Variants in SYNE1 observed in about 807,000 individuals in gnomAD.
SYNE1 encodes nesprin-1.
In SYNE1, 616 loss-of-function variants were observed where a neutral mutation model predicts 1,111.0. That is an observed-to-expected ratio of 0.55 (90% CI 0.52 to 0.59). The LOEUF (loss-of-function observed/expected upper bound fraction) is 0.59, where lower values mean the gene tolerates loss of function less well. Ranked by LOEUF, SYNE1 falls within the 20% of genes least tolerant of loss-of-function variation. SYNE1 has a pLI of 0.00. For synonymous variants in SYNE1, 3,855 were observed against 3,825.8 expected (o/e 1.01, Z -0.28); for missense variants, 10,006 against 10,417.0 (o/e 0.96, Z 1.72).
intron 56 of SYNE1, among the ~76,000 whole-genome samples, chr6:152,380,078 A>G (rs2097374907): frequency 6.6e-6 from 1 of 152,122 alleles, no homozygotes. Context: ...ACAAAAACAA[A>G]CCCCCAAACC....
At chr6:152,278,444 C>CT (rs993107663) in intron 97 of SYNE1, among the ~76,000 whole-genome samples, 164 bp from the exon 98 acceptor site, 14 of 150,954 alleles carry the variant, frequency 9.3e-5, no homozygotes, top group South Asian at 6.3e-4. Flanking sequence ...AGTCTGTAGG[C>CT]TTTTTTTTTA....
Position 152,450,754 on chromosome 6 carries a change from G to A in SYNE1, c.3266C>T (p.Pro1089Leu). Residue 1089 changes from proline to leucine, a missense_variant, in exon 27 of 146, where the codon CCA becomes CTA. Around this residue, in one of 7 missense-constraint regions of SYNE1, gnomAD observed 1,971 missense variants for 2,084.1 expected, o/e 0.95. Transcript: ENST00000367255. ...QLIEELCVKL[P>L]VRDPVRDTPG... The stretch of plus-strand genomic sequence containing the variant: ...TGTGTCCCTTACTGGGTCCCGCACT[G>A]GGAGTTTCACACAGAGTTCCTCGAT... 1.2e-6 allele frequency: 2 copies of A among 1,614,080 alleles called. No individual in the cohort carries two copies. The highest frequency in any genetic ancestry group is 1.7e-6 in the Non-Finnish European group (2 of 1,180,000).
At chr6:152,402,035 A>G (rs1355532119) in intron 46 of SYNE1, among the ~76,000 whole-genome samples, 1 of 152,206 alleles carries the variant, frequency 6.6e-6, no homozygotes, top group African/African-American at 2.4e-5. Flanking sequence ...ACAGTGTGGA[A>G]GGGAGTAAAT....
At chr6:152,251,448 A>G (rs933993643) in intron 104 of SYNE1, among the ~76,000 whole-genome samples, 1 of 152,026 alleles carries the variant, frequency 6.6e-6, no homozygotes, top group Non-Finnish European at 1.5e-5. Context: ...TCACATGGAT[A>G]TTGACATTTT....
At chr6:152,471,491 C>G in intron 16 of SYNE1, 106 bp downstream of exon 16, 5 of 1,140,824 alleles carry the variant, frequency 4.4e-6, no homozygotes, top group East Asian at 4.7e-5. Context: ...CACACGCTAT[C>G]TTTATGTTTA....
intron 14 of SYNE1, among the ~76,000 whole-genome samples, chr6:152,482,072 G>T (rs2098906865): frequency 6.6e-6 from 1 of 152,156 alleles, no homozygotes. Flanking sequence ...ATGGAGGCAG[G>T]ACCCTGAGTG....
intron 6 of SYNE1, among the ~76,000 whole-genome samples, chr6:152,513,735 C>T (rs2099097542): frequency 6.6e-6 from 1 of 152,026 alleles, no homozygotes; most frequent in African/African-American, 2.4e-5. Context: ...ATCCATCTGA[C>T]AGAGGGCTAA....
intron 131 of SYNE1, among the ~76,000 whole-genome samples, chr6:152,161,468 A>G (rs2062489613): frequency 6.6e-6 from 1 of 151,788 alleles, no homozygotes; most frequent in African/African-American, 2.4e-5. Context: ...TGTGGAAGAT[A>G]GTCTCCATTC....
At chr6:152,125,442 T>C in intron 145 of SYNE1, 1 of 1,436,060 alleles carries the variant, frequency 7.0e-7, no homozygotes, top group Non-Finnish European at 9.3e-7. Flanking sequence ...TACATGACCA[T>C]GGGCAAGTAA....
At chr6:152,373,689 C>A (rs1200264016) in intron 58 of SYNE1, among the ~76,000 whole-genome samples, 1 of 152,160 alleles carries the variant, frequency 6.6e-6, no homozygotes, top group East Asian at 1.9e-4. Context: ...ACTTTATTTA[C>A]CAATCTAAAT....
chr6:152,449,623 A>T lies in SYNE1; in HGVS notation c.3414T>A (p.Ser1138=), dbSNP rs1239433639. The part of the protein sequence containing the change: ...DYTSRFSEFS[S]WISTNETQLK... ...ATTGTGTCTCATTTGTAGATATCCA[A>T]GATGAGAACTCAGAGAATCTGAAAT... The change falls in exon 28 of 146, where the codon TCT becomes TCA. Residue 1138 remains serine, a synonymous_variant. Transcript: ENST00000367255. 4 of 1,613,584 alleles carry T rather than the reference A, an allele frequency of 2.5e-6. No individual in the cohort carries two copies. Among genetic ancestry groups the T allele is most frequent in the Non-Finnish European group, 3.4e-6 (4 of 1,179,578 alleles).
intron 30 of SYNE1, among the ~76,000 whole-genome samples, chr6:152,443,317 T>G (rs1434355881): frequency 6.6e-6 from 1 of 152,100 alleles, no homozygotes; most frequent in African/African-American, 2.4e-5. Flanking sequence ...CAGGCTGGAG[T>G]GCAGTGGGGC....
chr6:152,194,125 A>G (rs750213172), intron 127 of SYNE1, among the ~76,000 whole-genome samples: 3 of 151,660 alleles, frequency 2.0e-5, no homozygotes, highest in Non-Finnish European at 2.9e-5. Context: ...ATGCTTTCTT[A>G]TTGCTCATTA....
At chr6:152,332,706 T>A (rs2096275401) in intron 77 of SYNE1, among the ~76,000 whole-genome samples, 1 of 152,250 alleles carries the variant, frequency 6.6e-6, no homozygotes, top group South Asian at 2.1e-4. Context: ...ATCTAATGGC[T>A]ACTTAATTGT....
At chr6:152,242,101 G>A (rs2085858163) in intron 107 of SYNE1, 139 bp downstream of exon 107, 9 of 794,808 alleles carry the variant, frequency 1.1e-5, no homozygotes, top group Middle Eastern at 3.5e-4. Context: ...TAAATTTTTT[G>A]GCCATTTTTA....
At position 152,136,172 on chromosome 6, in the gene SYNE1, G is replaced by A. The variant is rs536083421; in HGVS notation, c.25659+446C>T. ...CTTGTCTTCCCCAACAAAAGCAGAG[G>A]CCATGCTGTATTCAATGTTTTAGCA... On this transcript the variant is annotated intron_variant, in intron 141 of 145. Transcript: ENST00000367255. 2.6e-5 allele frequency among the ~76,000 whole-genome samples: 4 copies of A among 152,296 alleles called. No homozygotes were observed. The East Asian group carries it at 7.7e-4, about 29-fold the overall frequency.
chr6:152,561,231 T>C (rs1224663061), intron 3 of SYNE1, among the ~76,000 whole-genome samples: 1 of 151,886 alleles, frequency 6.6e-6, no homozygotes, highest in African/African-American at 2.4e-5. Context: ...AGGTACAAAA[T>C]TAACAAACAA....
intron 82 of SYNE1, among the ~76,000 whole-genome samples, 183 bp from the exon 83 acceptor site, chr6:152,322,069 T>C (rs935640768): frequency 2.0e-5 from 3 of 152,200 alleles, no homozygotes; most frequent in Non-Finnish European, 4.4e-5. Context: ...ATAAAGTAAA[T>C]AATTTATCCT....
Position 152,505,346 on chromosome 6 carries a change from A to C in SYNE1, c.633T>G (p.Val211=). Residue 211 remains valine, a synonymous_variant, in exon 9 of 146, where the codon GTT becomes GTG. Coordinates refer to ENST00000367255, the MANE Select transcript of SYNE1 (RefSeq NM_182961.4). ...TGGCATGAATAACTGAATGAAAGGC[A>C]ACCCCGCTTCTCCAACTCTTCCCAA... The part of the protein sequence containing the change: ...KDFGKSWRSG[V]AFHSVIHAIR... The C allele has an allele frequency of 6.2e-7, 1 of 1,614,110 alleles. No homozygotes were observed.
Sources: gnomAD v4.1 joint callset for allele counts (sites outside exome capture counted in the v4.1 genomes callset) on GRCh38, gnomAD v4.1.1 for gene constraint, gnomAD v4.1.1 regional missense constraint, MANE v1.5 for transcripts, NCBI Gene and HGNC (gene_info 2026-07-23, HGNC 2026-07-21) for gene names.